The following MAGI2 variants were observed in gnomAD, a reference collection of about 807,000 sequenced individuals.
The protein encoded by MAGI2 is membrane associated guanylate kinase, WW and PDZ domain containing 2.
In MAGI2, 35 loss-of-function variants were observed where a neutral mutation model predicts 133.3. The observed-to-expected ratio is 0.26, with a 90% CI of 0.20 to 0.35. The LOEUF is 0.35. MAGI2 is among the 10% of genes least tolerant of loss of function. The pLI, the probability that MAGI2 is intolerant of heterozygous loss-of-function variation, is 1.00. For synonymous variants in MAGI2, 729 were observed against 710.6 expected (o/e 1.03, Z -0.41); for missense variants, 1,636 against 1,863.4 (o/e 0.88, Z 2.25).
chr7:78,155,169 C>A (rs1824267944), intron 16 of MAGI2, among the ~76,000 whole-genome samples: 1 of 152,088 alleles, frequency 6.6e-6, no homozygotes, highest in Non-Finnish European at 1.5e-5. Context: ...AGTGAAATTG[C>A]CTATTACAGT....
chr7:78,052,897 A>G (rs1425735012), intron 21 of MAGI2, among the ~76,000 whole-genome samples: 1 of 152,218 alleles, frequency 6.6e-6, no homozygotes, highest in Non-Finnish European at 1.5e-5. Flanking sequence ...TTAGAAAATT[A>G]AAATTAAAGA....
chr7:79,029,956 A>C (rs946532716), intron 1 of MAGI2, among the ~76,000 whole-genome samples: 1 of 152,178 alleles, frequency 6.6e-6, no homozygotes, highest in African/African-American at 2.4e-5. Context: ...AGAAAAGGGC[A>C]TATCCCCAAA....
Position 79,187,615 on chromosome 7 carries a change from A to T in MAGI2, c.302-180409T>A, listed in dbSNP as rs138026253. ...TAAGTATTGATCATTCCAGAGGTCAAAGTAGCTGATAGTAGATCTGAATTG... is the reference window on the plus strand; with the variant it reads ...TAAGTATTGATCATTCCAGAGGTCATAGTAGCTGATAGTAGATCTGAATTG... On this transcript the variant is annotated intron_variant, in intron 1 of 21. Transcript: ENST00000354212. Among the ~76,000 whole-genome samples, 266 of 152,026 alleles carry T rather than the reference A, an allele frequency of 1.7e-3. 5 individuals carry two copies. Among genetic ancestry groups the T allele is most frequent in the African/African-American group, 6.1e-3 (253 of 41,432 alleles).
chr7:79,043,127 G>A (rs1277101106), intron 1 of MAGI2, among the ~76,000 whole-genome samples: 2 of 152,030 alleles, frequency 1.3e-5, no homozygotes, highest in African/African-American at 4.8e-5. Context: ...ACATCAAAAA[G>A]TTAGAAAGAT....
intron 1 of MAGI2, among the ~76,000 whole-genome samples, chr7:79,214,818 T>G (rs992983873): frequency 7.0e-6 from 1 of 143,716 alleles, no homozygotes; most frequent in Non-Finnish European, 1.5e-5. Flanking sequence ...AAATACATTA[T>G]ATTTATAAAT....
rs886188967 is a variant in MAGI2, at chr7:78,613,408, CAT to C, written c.538+13710_538+13711del. Among the ~76,000 whole-genome samples the C allele has an allele frequency of 1.1e-4, 16 of 152,192 alleles. No homozygotes were observed. In the East Asian group the frequency reaches 1.2e-3, roughly 11 times the overall value. On this transcript the variant is annotated intron_variant, in intron 3 of 21. Transcript: ENST00000354212. ...CCCATAGCTCTACAGGAAGAAAAAACATATTAATTTGTAAGAGCCAGAACCAA... is the reference window on the plus strand; with the variant it reads ...CCCATAGCTCTACAGGAAGAAAAAACATTAATTTGTAAGAGCCAGAACCAA...
intron 2 of MAGI2, among the ~76,000 whole-genome samples, chr7:78,656,988 A>AT (rs1282108386): frequency 7.1e-6 from 1 of 141,592 alleles, no homozygotes; most frequent in Non-Finnish European, 1.6e-5. Context: ...AAAACCCAGT[A>AT]TAAAAAAAAA....
intron 1 of MAGI2, among the ~76,000 whole-genome samples, chr7:79,102,848 G>A (rs542442976): frequency 1.1e-4 from 16 of 152,166 alleles, no homozygotes; most frequent in Middle Eastern, 3.2e-3. Flanking sequence ...GTGTTGCTGC[G>A]AAGATAGTTT....
At position 79,453,246 on chromosome 7, in the gene MAGI2, C is replaced by G. The variant is rs377492683; in HGVS notation, c.75G>C (p.Glu25Asp). Residue 25 changes from glutamate to aspartate, a missense_variant, in exon 1 of 22, where the codon GAG (glutamate) becomes GAC (aspartate). Glu to Asp is a conservative substitution (Grantham distance 45). This residue lies in a region of MAGI2 where 148 missense variants were observed against 239.0 expected (regional missense o/e 0.62). Transcript: ENST00000354212. ...VHESVIGRNP[E>D]GQLGFELKGG... ...CCTTCAGTTCAAAGCCCAGCTGGCC[C>G]TCCGGGTTCCTGCCAATGACACTCT... is the stretch of plus-strand genomic sequence containing the variant. 1 of 1,613,882 alleles carries G rather than the reference C, an allele frequency of 6.2e-7. No individual in the cohort carries two copies. Among genetic ancestry groups the G allele is most frequent in the South Asian group, 1.1e-5 (1 of 91,084 alleles).
intron 1 of MAGI2, among the ~76,000 whole-genome samples, chr7:79,136,052 A>AGAAAGAAG (rs1821468592): frequency 7.3e-6 from 1 of 136,372 alleles, no homozygotes; most frequent in African/African-American, 2.9e-5. Context: ...AAAGAAGGAA[A>AGAAAGAAG]GAAAGAAAGA....
intron 2 of MAGI2, among the ~76,000 whole-genome samples, chr7:78,634,159 T>C (rs1809373447): frequency 6.6e-6 from 1 of 152,220 alleles, no homozygotes; most frequent in South Asian, 2.1e-4. Context: ...AGTCAAGATA[T>C]AAATCCATTT....
chr7:78,628,254 T>C (rs1433803537), intron 2 of MAGI2, among the ~76,000 whole-genome samples: 1 of 151,302 alleles, frequency 6.6e-6, no homozygotes, highest in African/African-American at 2.4e-5. Context: ...GCATTTTGCA[T>C]GGTCAGATTG....
At chr7:79,045,532 G>A (rs1562827537) in intron 1 of MAGI2, among the ~76,000 whole-genome samples, 1 of 152,164 alleles carries the variant, frequency 6.6e-6, no homozygotes, top group South Asian at 2.1e-4. Context: ...ACAGGTTAGT[G>A]GTTGCCAGGT....
At chr7:78,632,340 C>A (rs1458277246) in intron 2 of MAGI2, among the ~76,000 whole-genome samples, 1 of 152,154 alleles carries the variant, frequency 6.6e-6, no homozygotes, top group Non-Finnish European at 1.5e-5. Context: ...GGGTCAAATA[C>A]TGAGATTTCT....
intron 10 of MAGI2, among the ~76,000 whole-genome samples, chr7:78,248,468 C>T (rs192069620): frequency 2.0e-5 from 3 of 152,166 alleles, no homozygotes; most frequent in East Asian, 1.9e-4. Context: ...AATCAAAAGA[C>T]ACAGATTTGC....
intron 2 of MAGI2, among the ~76,000 whole-genome samples, chr7:78,743,796 C>A (rs1166242607): frequency 6.6e-6 from 1 of 152,162 alleles, no homozygotes; most frequent in Admixed American, 6.5e-5. Context: ...ATCTGTTTTT[C>A]CATTTTTAAT....
chr7:78,312,910 A>G (rs1798833389), intron 9 of MAGI2, among the ~76,000 whole-genome samples: 1 of 150,900 alleles, frequency 6.6e-6, no homozygotes, highest in Non-Finnish European at 1.5e-5. Context: ...TTATATCAAA[A>G]AGATATCTGC....
intron 10 of MAGI2, among the ~76,000 whole-genome samples, chr7:78,242,188 A>C (rs1791223251): frequency 6.6e-6 from 1 of 152,194 alleles, no homozygotes; most frequent in Non-Finnish European, 1.5e-5. Flanking sequence ...AGTGAGGTAC[A>C]CCACCCCTTC....
intron 1 of MAGI2, among the ~76,000 whole-genome samples, chr7:79,274,322 G>A (rs1420190575): frequency 1.3e-5 from 2 of 152,042 alleles, no homozygotes; most frequent in Non-Finnish European, 2.9e-5. Flanking sequence ...ATTGGGTTTG[G>A]CACAGGAACT....
Sources: gnomAD v4.1 joint callset for allele counts (sites outside exome capture counted in the v4.1 genomes callset) on GRCh38, gnomAD v4.1.1 for gene constraint, gnomAD v4.1.1 regional missense constraint, MANE v1.5 for transcripts, NCBI Gene and HGNC (gene_info 2026-07-23, HGNC 2026-07-21) for gene names.